The following CREBBP variants were observed in gnomAD, a reference collection of about 807,000 sequenced individuals.
CREBBP encodes the protein CREB binding lysine acetyltransferase, also known as CREB-binding protein.
In CREBBP, 19 loss-of-function variants were observed where a neutral mutation model predicts 265.0. That is an observed-to-expected ratio of 0.07 (90% confidence interval 0.05 to 0.11). CREBBP has a LOEUF of 0.11. Ranked by LOEUF, CREBBP falls within the 10% of genes least tolerant of loss-of-function variation. CREBBP has a pLI of 1.00. For synonymous variants in CREBBP, 1,457 were observed against 1,223.7 expected, an observed-to-expected ratio of 1.19 and a Z score of -3.98; for missense variants, 2,525 against 3,219.0, an observed-to-expected ratio of 0.78 and a Z score of 5.22.
chr16:3,783,131 A>G (rs1054343370), intron 5 of CREBBP, among the ~76,000 whole-genome samples: 1 of 152,254 alleles, frequency 6.6e-6, no homozygotes, highest in African/African-American at 2.4e-5. Flanking sequence ...AGGAACAAAA[A>G]GTTAAAGAAA....
intron 26 of CREBBP, among the ~76,000 whole-genome samples, chr16:3,738,013 C>T (rs2052111836): frequency 6.6e-6 from 1 of 151,962 alleles, no homozygotes; most frequent in African/African-American, 2.4e-5. Flanking sequence ...GTCTCAAACT[C>T]CTGACCTTGT....
rs1007516677 is a variant in CREBBP, at chr16:3,767,318, G to A, written c.3250+402C>T. On this transcript the variant is annotated intron_variant, in intron 16 of 30. Coordinates refer to ENST00000262367, the MANE Select transcript of CREBBP (RefSeq NM_004380.3). ...CCAAGTCACCCTGTGCTGTCATAAT[G>A]ACCATCTTCCTTAAATTATGGCTTT... is the stretch of plus-strand genomic sequence containing the variant. 8 of 226,254 alleles carry A rather than the reference G, an allele frequency of 3.5e-5. No individual in the cohort carries two copies. In the East Asian group the frequency reaches 7.9e-4, roughly 22 times the overall value. 14.0% of individuals were successfully genotyped at this position (226,254 alleles called of 1,614,324 possible).
intron 1 of CREBBP, among the ~76,000 whole-genome samples, chr16:3,856,315 G>T (rs1016382799): frequency 6.6e-6 from 1 of 152,002 alleles, no homozygotes; most frequent in African/African-American, 2.4e-5. Flanking sequence ...TTTAATTAAT[G>T]AATTAATTAA....
chr16:3,827,028 G>A (rs1267728509), intron 2 of CREBBP, among the ~76,000 whole-genome samples: 3 of 152,038 alleles, frequency 2.0e-5, no homozygotes, highest in African/African-American at 4.8e-5. Context: ...CAGTTGCACC[G>A]CCTGTAGTTT....
intron 24 of CREBBP, 28 bp from the exon 25 acceptor site, chr16:3,739,752 T>C (rs1350035171): frequency 6.2e-7 from 1 of 1,614,104 alleles, no homozygotes; most frequent in Non-Finnish European, 8.5e-7. Context: ...GCCGGACATT[T>C]ACAAAGGCTG....
rs776122323 is a variant in CREBBP, at chr16:3,778,047, G to T, written c.2077C>A (p.Pro693Thr). 1 of 1,614,204 alleles carries T rather than the reference G, an allele frequency of 6.2e-7. No homozygotes were observed. Among genetic ancestry groups the T allele is most frequent in the Non-Finnish European group, 8.5e-7 (1 of 1,180,008 alleles). ...PALPAPGAQP[P>T]VIPQAQPVRP... Reference sequence around the variant, plus strand: ...ACAGGTTGTGCCTGTGGAATCACAGGGGGCTGAGCCCCCGGGGCTGGTAAG... The same window carrying T: ...ACAGGTTGTGCCTGTGGAATCACAGTGGGCTGAGCCCCCGGGGCTGGTAAG... Residue 693 changes from proline (P) to threonine (T), a missense_variant, in exon 10 of 31, where the codon CCT becomes ACT. Physicochemically the swap from Pro to Thr is conservative, Grantham distance 38 (BLOSUM62 -1). Around this residue, in one of 19 missense-constraint regions of CREBBP, gnomAD observed 548 missense variants for 533.0 expected, o/e 1.03. Transcript: ENST00000262367.
intron 2 of CREBBP, among the ~76,000 whole-genome samples, chr16:3,825,850 G>C (rs1320606015): frequency 6.6e-6 from 1 of 152,158 alleles, no homozygotes; most frequent in East Asian, 1.9e-4. Context: ...AAAATACAAG[G>C]AAGAATTCAT....
intron 2 of CREBBP, among the ~76,000 whole-genome samples, chr16:3,846,267 G>C (rs1334722216): frequency 6.6e-6 from 1 of 152,188 alleles, no homozygotes; most frequent in African/African-American, 2.4e-5. Flanking sequence ...TAACAAAGAA[G>C]ACAACTTGCT....
Position 3,868,513 on chromosome 16 carries a change from T to C in CREBBP, c.85+11319A>G, listed in dbSNP as rs769876838. On this transcript the variant is annotated intron_variant, in intron 1 of 30. Coordinates refer to ENST00000262367, the MANE Select transcript of CREBBP (RefSeq NM_004380.3). ...CCCCCAATCACTCTGGACACGGGTT[T>C]TTTAAAGCTTAATTTTGTTTTATAA... 9.9e-5 allele frequency among the ~76,000 whole-genome samples: 15 copies of C among 152,130 alleles called. 3 individuals are homozygous for C. Among genetic ancestry groups the C allele is most frequent in the Non-Finnish European group, 2.2e-4 (15 of 68,018 alleles).
chr16:3,844,009 G>A lies in CREBBP; in HGVS notation c.798+6288C>T, dbSNP rs375612009. ...TAAAAATACAAAAAATTAGCCGGGC[G>A]TAGTGGCGGGCGCCTGTAGTCCCAG... On this transcript the variant is annotated intron_variant, in intron 2 of 30. Transcript: ENST00000262367. 6.9e-3 allele frequency among the ~76,000 whole-genome samples: 1,040 copies of A among 149,656 alleles called. 11 individuals carry two copies. Among genetic ancestry groups the A allele is most frequent in the Middle Eastern group, 0.017 (5 of 294 alleles).
rs2141200400 is a variant in CREBBP, at chr16:3,770,691, G to A, written c.2759C>T (p.Ala920Val). The A allele has an allele frequency of 1.2e-6, 2 of 1,614,124 alleles. No individual in the cohort carries two copies. Among genetic ancestry groups the A allele is most frequent in the Non-Finnish European group, 1.7e-6 (2 of 1,180,016 alleles). ...CGGGGTCACCTGGGCCTGGGCTGCTGCCTGGACTGTAGGGGTGCTCTGGGT... is the reference window on the plus strand; with the variant it reads ...CGGGGTCACCTGGGCCTGGGCTGCTACCTGGACTGTAGGGGTGCTCTGGGT... ...TQTQSTPTVQ[A>V]AAQAQVTPQP... The change falls in exon 14 of 31, where the codon GCA (alanine) becomes GTA (valine). Residue 920 changes from alanine (A) to valine (V), a missense_variant. Around this residue, in one of 19 missense-constraint regions of CREBBP, gnomAD observed 548 missense variants for 533.0 expected, o/e 1.03. Coordinates refer to ENST00000262367, the MANE Select transcript of CREBBP (RefSeq NM_004380.3).
Position 3,727,198 on chromosome 16 carries a change from C to T in CREBBP, c.*520G>A, listed in dbSNP as rs2051767095. On this transcript the variant is annotated 3_prime_UTR_variant, in exon 31 of 31. Coordinates refer to ENST00000262367, the MANE Select transcript of CREBBP (RefSeq NM_004380.3). ...TCAATTCCTATCATCCAGGGTAATA[C>T]TGGGAGACGCCCACAGAGTTCACTA... is the stretch of plus-strand genomic sequence containing the variant. 1 of 246,954 alleles carries T rather than the reference C, an allele frequency of 4.0e-6. No homozygotes were observed. The highest frequency in any genetic ancestry group is 7.9e-6 in the Non-Finnish European group (1 of 126,898). The allele number at this position is 246,954 out of a possible 1,614,324, so 15.3% of individuals were successfully genotyped here.
intron 2 of CREBBP, among the ~76,000 whole-genome samples, chr16:3,846,384 G>A (rs1364487007): frequency 6.6e-6 from 1 of 152,204 alleles, no homozygotes; most frequent in African/African-American, 2.4e-5. Context: ...CAATATTTCT[G>A]AAGAGTATCT....
chr16:3,810,229 C>A (rs577453550), intron 3 of CREBBP, among the ~76,000 whole-genome samples: 3 of 152,182 alleles, frequency 2.0e-5, no homozygotes, highest in Non-Finnish European at 2.9e-5. Flanking sequence ...CATCATCTGA[C>A]GGTAATACAA....
At chr16:3,765,099 G>A (rs749444168) in intron 16 of CREBBP, among the ~76,000 whole-genome samples, 2 of 151,886 alleles carry the variant, frequency 1.3e-5, no homozygotes, top group South Asian at 2.1e-4. Context: ...TCAGCCTCCC[G>A]AGCAGCTGGG....
At chr16:3,779,518 A>C (rs1596912436) in intron 8 of CREBBP, among the ~76,000 whole-genome samples, 1 of 152,152 alleles carries the variant, frequency 6.6e-6, no homozygotes, top group East Asian at 1.9e-4. Context: ...CAAAATCAGG[A>C]TCATGTATCT....
chr16:3,759,480 G>A (rs948768380), intron 16 of CREBBP, among the ~76,000 whole-genome samples: 4 of 151,540 alleles, frequency 2.6e-5, no homozygotes, highest in South Asian at 2.1e-4. Context: ...CCCGCTACTC[G>A]AGAGGGTGAG....
intron 1 of CREBBP, among the ~76,000 whole-genome samples, chr16:3,852,263 G>C: frequency 6.9e-6 from 1 of 144,524 alleles, no homozygotes; most frequent in Non-Finnish European, 1.5e-5. Flanking sequence ...CCGCCTCCCG[G>C]GTTCACGCCA....
chr16:3,788,475 G>A (rs998839066), intron 5 of CREBBP, among the ~76,000 whole-genome samples: 13 of 152,150 alleles, frequency 8.5e-5, no homozygotes, highest in Non-Finnish European at 1.8e-4. Context: ...CTGCTCACGG[G>A]TCCCAAAGCC....
Sources: gnomAD v4.1 joint callset for allele counts (sites outside exome capture counted in the v4.1 genomes callset) on GRCh38, gnomAD v4.1.1 for gene constraint, gnomAD v4.1.1 regional missense constraint, MANE v1.5 for transcripts, NCBI Gene and HGNC (gene_info 2026-07-23, HGNC 2026-07-21) for gene names.